PIEZO2: variants seen among roughly 807,000 people sequenced by gnomAD.
PIEZO2 encodes piezo-type mechanosensitive ion channel component 2.
A neutral mutation model predicts 337.3 loss-of-function variants in PIEZO2; 172 were observed. That is an observed-to-expected ratio of 0.51 (90% CI 0.45 to 0.58). The LOEUF is 0.58. PIEZO2 is among the 20% of genes least tolerant of loss of function. The pLI, the probability that PIEZO2 is intolerant of heterozygous loss-of-function variation, is 0.00. For synonymous variants in PIEZO2, 1,251 were observed against 1,228.5 expected (o/e 1.02, Z -0.38); for missense variants, 3,028 against 3,391.3 (o/e 0.89, Z 2.66).
chr18:10,992,543 ATG>A (rs1194415485), intron 2 of PIEZO2, among the ~76,000 whole-genome samples: 1 of 151,960 alleles, frequency 6.6e-6, no homozygotes, highest in Non-Finnish European at 1.5e-5. Flanking sequence ...ATGGTTGTAG[ATG>A]TGTGTGATTT....
Position 10,716,132 on chromosome 18 carries a change from T to C in PIEZO2, c.5090-316A>G, listed in dbSNP as rs1244420325. ...GGACAGCGTGGATCCACTCTACGCG[T>C]GGATTGTTTTCAGTAAAAGTTACTC... On this transcript the variant is annotated intron_variant, in intron 37 of 55. Coordinates refer to ENST00000674853, the MANE Select transcript of PIEZO2 (RefSeq NM_001378183.1). This position sits in a 1 kb window ranked among gnomAD's most constrained non-coding sequence, Gnocchi z 4.1. Among the ~76,000 whole-genome samples, 2 of 152,150 alleles carry C rather than the reference T, an allele frequency of 1.3e-5. No individual in the cohort carries two copies. The highest frequency in any genetic ancestry group is 4.8e-5 in the African/African-American group (2 of 41,430).
chr18:10,763,970 A>G (rs1346035902), intron 21 of PIEZO2, among the ~76,000 whole-genome samples: 1 of 152,282 alleles, frequency 6.6e-6, no homozygotes, highest in East Asian at 1.9e-4. Context: ...GCCTGAGTGG[A>G]TAACAGTGCC....
At chr18:11,034,673 A>T (rs2036861695) in intron 2 of PIEZO2, among the ~76,000 whole-genome samples, 1 of 152,084 alleles carries the variant, frequency 6.6e-6, no homozygotes, top group African/African-American at 2.4e-5. Flanking sequence ...ACAAACACGT[A>T]GGGTTTTGTG....
intron 7 of PIEZO2, among the ~76,000 whole-genome samples, chr18:10,851,344 G>A (rs1326762706): frequency 6.6e-6 from 1 of 151,938 alleles, no homozygotes; most frequent in Non-Finnish European, 1.5e-5. Context: ...TCTACAACAA[G>A]GAACTTTACA....
Position 10,726,348 on chromosome 18 carries a change from C to G in PIEZO2, c.5029+5059G>C. 1 of 1,499,974 alleles carries G rather than the reference C, an allele frequency of 6.7e-7. No individual in the cohort carries two copies. Among genetic ancestry groups the G allele is most frequent in the Non-Finnish European group, 8.9e-7 (1 of 1,127,776 alleles). 92.9% of individuals were successfully genotyped at this position (1,499,974 alleles called of 1,614,324 possible). A position where few individuals can be genotyped will look rare whatever the true frequency, so the allele number is the denominator to read the frequency against. ...CCGAACGCCCCGCCCAGCGCTGCCT[C>G]CCTTCGCCTTCCCCGCAGGCACCCA... On this transcript the variant is annotated intron_variant, in intron 36 of 55. Coordinates refer to ENST00000674853, the MANE Select transcript of PIEZO2 (RefSeq NM_001378183.1). The surrounding 1 kb of genome is among the most constrained non-coding windows in gnomAD (Gnocchi z 5.9).
chr18:10,979,607 A>T lies in PIEZO2; in HGVS notation c.214T>A (p.Leu72Met), dbSNP rs1421224897. Reference sequence around the variant, plus strand: ...GTGATGTGGAAAATGATGTGCAGCAACAGGAAGGAAAGACTGATGAAGCAC... The same window carrying T: ...GTGATGTGGAAAATGATGTGCAGCATCAGGAAGGAAAGACTGATGAAGCAC... ...SLCFISLSFL[L>M]LHIIFHITLV... The change falls in exon 3 of 56, where the codon TTG (leucine) becomes ATG (methionine). Residue 72 changes from leucine to methionine, a missense_variant. Leu to Met is a conservative substitution (Grantham distance 15). Transcript: ENST00000674853. This position sits in a 1 kb window ranked among gnomAD's most constrained non-coding sequence, Gnocchi z 4.0. 1 of 1,536,390 alleles carries T rather than the reference A, an allele frequency of 6.5e-7. No homozygotes were observed. Among genetic ancestry groups the T allele is most frequent in the South Asian group, 1.2e-5 (1 of 83,978 alleles).
intron 2 of PIEZO2, among the ~76,000 whole-genome samples, chr18:11,013,177 T>C (rs1203733517): frequency 1.3e-5 from 2 of 152,244 alleles, no homozygotes; most frequent in Non-Finnish European, 1.5e-5. Context: ...GTTCATTATG[T>C]TGAGATTGAG....
chr18:10,737,185 C>G (rs2037031158), intron 33 of PIEZO2, among the ~76,000 whole-genome samples: 1 of 151,610 alleles, frequency 6.6e-6, no homozygotes, highest in Non-Finnish European at 1.5e-5. Context: ...CGATTCAGGA[C>G]CAAGGTCAGT....
chr18:10,763,171 G>A, intron 21 of PIEZO2, 73 bp from the exon 22 acceptor site: 1 of 1,438,814 alleles, frequency 7.0e-7, no homozygotes, highest in South Asian at 1.3e-5. Flanking sequence ...CCACAAAACA[G>A]GATGACTTGA....
chr18:10,948,921 C>T (rs1016532454), intron 3 of PIEZO2, among the ~76,000 whole-genome samples: 11 of 152,244 alleles, frequency 7.2e-5, no homozygotes, highest in South Asian at 2.1e-4. Context: ...GAGGGTGTTA[C>T]GGCCTGTTTA....
In PIEZO2 at chr18:10,696,551, AGACCCCCAC is replaced by A. The variant is rs779157520; in HGVS notation, c.6828-21_6828-13del. 1.2e-6 allele frequency: 2 copies of A among 1,612,784 alleles called. No individual in the cohort carries two copies. The highest frequency in any genetic ancestry group is 1.7e-6 in the Non-Finnish European group (2 of 1,179,796). On this transcript the variant is annotated splice_polypyrimidine_tract_variant and intron_variant, in intron 45 of 55. Transcript: ENST00000674853. ...AGATCTCCAGCGTCCTGCAAAATGG[AGACCCCCAC>A]CCCCAACCCACTTGTTTCAGGAAGG...
At position 10,803,861 on chromosome 18, in the gene PIEZO2, T is replaced by C; in HGVS notation, c.1200+14A>G. The C allele has an allele frequency of 6.5e-7, 1 of 1,536,162 alleles. No homozygotes were observed. Among genetic ancestry groups the C allele is most frequent in the East Asian group, 2.4e-5 (1 of 40,918 alleles). The stretch of plus-strand genomic sequence containing the variant: ...AAAAATTAGGGAACGGAAATCCCTT[T>C]CATCATGGCTTACTTTTCTCTCATC... On this transcript the variant is annotated intron_variant, in intron 9 of 55. Transcript: ENST00000674853.
intron 2 of PIEZO2, among the ~76,000 whole-genome samples, chr18:11,051,501 G>A (rs2037536969): frequency 6.6e-6 from 1 of 152,020 alleles, no homozygotes; most frequent in Admixed American, 6.6e-5. Flanking sequence ...GTGATTTGGA[G>A]CACATTTCTT....
intron 2 of PIEZO2, among the ~76,000 whole-genome samples, chr18:11,046,208 T>C (rs2037308675): frequency 6.6e-6 from 1 of 152,212 alleles, no homozygotes; most frequent in Non-Finnish European, 1.5e-5. Context: ...AAAGCCTTTG[T>C]GAAAGCTCTA....
At chr18:10,796,558 T>A (rs910913183) in intron 12 of PIEZO2, among the ~76,000 whole-genome samples, 2 of 152,218 alleles carry the variant, frequency 1.3e-5, no homozygotes, top group Non-Finnish European at 2.9e-5. Flanking sequence ...ATAGTCTGAC[T>A]TGACAAGCTA....
rs1446417936 is a variant in PIEZO2 at position 10,815,521 on chromosome 18, C to T, written c.918-8247G>A. Among the ~76,000 whole-genome samples, 1 of 152,132 alleles carries T rather than the reference C, an allele frequency of 6.6e-6. No individual in the cohort carries two copies. The highest frequency in any genetic ancestry group is 1.5e-5 in the Non-Finnish European group (1 of 68,026). The stretch of plus-strand genomic sequence containing the variant: ...TTCAACTTAGAATTGCTGAAACGGG[C>T]CTTGAAAATATCCTATATACAATTG... On this transcript the variant is annotated intron_variant, in intron 7 of 55. Transcript: ENST00000674853. The surrounding 1 kb of genome is among the most constrained non-coding windows in gnomAD (Gnocchi z 4.1).
intron 11 of PIEZO2, among the ~76,000 whole-genome samples, chr18:10,799,966 C>G (rs2039749272): frequency 1.2e-5 from 1 of 82,678 alleles, no homozygotes; most frequent in Non-Finnish European, 2.6e-5. Context: ...GAGCGAGACT[C>G]TGTCTCAAAA....
rs147835404 is a variant in PIEZO2 at position 10,921,694 on chromosome 18, C to T, written c.287-10466G>A. ...GAGAGAGATCACCTTAAACTCTGAC[C>T]GCTGGTGAGCCGGGCGGAAAAGAGC... On this transcript the variant is annotated intron_variant, in intron 3 of 55. Transcript: ENST00000674853. Among the ~76,000 whole-genome samples, 508 of 152,202 alleles carry T rather than the reference C, an allele frequency of 3.3e-3. 2 individuals carry two copies. Among genetic ancestry groups the T allele is most frequent in the African/African-American group, 9.5e-3 (393 of 41,544 alleles).
In PIEZO2 at chr18:11,126,567, T is replaced by C. The variant is rs937339022; in HGVS notation, c.64+21958A>G. Among the ~76,000 whole-genome samples, 10 of 151,566 alleles carry C rather than the reference T, an allele frequency of 6.6e-5. No homozygotes were observed. The highest frequency in any genetic ancestry group is 1.2e-4 in the Non-Finnish European group (8 of 67,970). On this transcript the variant is annotated intron_variant, in intron 1 of 55. Transcript: ENST00000674853. The surrounding 1 kb of genome is among the most constrained non-coding windows in gnomAD (Gnocchi z 4.6). Reference sequence around the variant, plus strand: ...TCAGCAATTTTTTTACTCTGAGAACTACAGAGAAGCTGAACTATCTATGGT... The same window carrying C: ...TCAGCAATTTTTTTACTCTGAGAACCACAGAGAAGCTGAACTATCTATGGT...
Sources: allele counts gnomAD v4.1 joint callset (sites outside exome capture counted in the v4.1 genomes callset), GRCh38; gene constraint gnomAD v4.1.1; non-coding constraint Gnocchi (gnomAD v3.1); transcripts MANE v1.5; gene names NCBI Gene and HGNC (gene_info 2026-07-23, HGNC 2026-07-21).